The following PAICS variants were observed in gnomAD, a reference collection of about 807,000 sequenced individuals.
PAICS encodes bifunctional phosphoribosylaminoimidazole carboxylase/phosphoribosylaminoimidazole succinocarboxamide synthetase.
PAICS carries 33 observed loss-of-function variants against 53.7 expected under a neutral mutation model. The ratio of observed to expected loss-of-function variants is 0.61; its 90% CI spans 0.47 to 0.82. The LOEUF is 0.82. PAICS is among the 40% of genes least tolerant of loss of function. The pLI, the probability that PAICS is intolerant of heterozygous loss-of-function variation, is 0.00. For missense variants in PAICS, 394 were observed against 494.1 expected (o/e 0.80, Z 1.92); for synonymous variants, 141 against 167.2 (o/e 0.84, Z 1.21).
upstream of PAICS, chr4:56,431,457 A>C (rs537879443): frequency 1.2e-4 from 115 of 976,850 alleles, 1 homozygote; most frequent in Middle Eastern, 5.2e-4. Context: ...AGTGCTCCTG[A>C]GATCATTACA....
intron 6 of PAICS, chr4:56,451,333 G>A (rs1439411097): frequency 2.0e-5 from 3 of 152,714 alleles, no homozygotes; most frequent in Non-Finnish European, 2.9e-5. Flanking sequence ...AGCATGGGAT[G>A]GATGGAACTC....
chr4:56,452,270 C>T (rs1423379972), intron 7 of PAICS, among the ~76,000 whole-genome samples: 1 of 152,146 alleles, frequency 6.6e-6, no homozygotes, highest in Non-Finnish European at 1.5e-5. Flanking sequence ...GCTCCACCTC[C>T]CGGGTTCACA....
At chr4:56,450,831 T>G (rs1217269706) in intron 6 of PAICS, 129 bp downstream of exon 6, 1 of 617,742 alleles carries the variant, frequency 1.6e-6, no homozygotes, top group Non-Finnish European at 2.9e-6. Context: ...GTTGTTGTTT[T>G]TTTTGAGACG....
At chr4:56,424,795 C>T in the PAICS span, among the ~76,000 whole-genome samples, 2 of 152,208 alleles carry the variant, frequency 1.3e-5, no homozygotes, top group South Asian at 2.1e-4. Context: ...CTTAATTCCG[C>T]TCCAATATCA....
At position 56,464,432 on chromosome 4, in the gene PAICS, G is replaced by C. The variant is rs1223600518; in HGVS notation, c.*4894G>C. On this transcript the variant is annotated 3_prime_UTR_variant, in exon 9 of 9. Transcript: ENST00000512576. ...TCTCTAGAAAACAATTGTATACTGT[G>C]AATGAAAAAGACTAATTCTCCACAG... The C allele has an allele frequency of 6.6e-6, 1 of 152,150 alleles. No homozygotes were observed. The highest frequency in any genetic ancestry group is 1.5e-5 in the Non-Finnish European group (1 of 68,038). The allele number at this position is 152,150 out of a possible 1,614,324, so 9.4% of individuals were successfully genotyped here.
At chr4:56,434,269 A>T (rs1717771515), upstream of PAICS, among the ~76,000 whole-genome samples, 1 of 152,214 alleles carries the variant, frequency 6.6e-6, no homozygotes, top group South Asian at 2.1e-4. Flanking sequence ...ACAGCAAAAA[A>T]TACTTCTAAT....
rs1246845399 is a variant in PAICS at position 56,448,300 on chromosome 4, CG to C, written c.394-116del. 22 of 651,462 alleles carry C rather than the reference CG, an allele frequency of 3.4e-5. No homozygotes were observed. The East Asian group carries it at 6.0e-4, about 18-fold the overall frequency. 40.4% of individuals were successfully genotyped at this position (651,462 alleles called of 1,614,324 possible). A position where few individuals can be genotyped will look rare whatever the true frequency, so the allele number is the denominator to read the frequency against. ...GATTACAGGCATGAGCCACCATGCC[CG>C]GCTGTGGCTAAAAATTTCTAAGGAG... On this transcript the variant is annotated intron_variant, in intron 3 of 8. Coordinates refer to ENST00000512576, the MANE Select transcript of PAICS (RefSeq NM_001079524.2).
upstream of PAICS, among the ~76,000 whole-genome samples, chr4:56,433,581 C>T (rs1227457409): frequency 1.3e-5 from 2 of 151,172 alleles, no homozygotes; most frequent in African/African-American, 4.9e-5. Flanking sequence ...ATAACTTTGG[C>T]AAAAAAAGTA....
intron 8 of PAICS, among the ~76,000 whole-genome samples, chr4:56,456,962 T>C (rs922697997): frequency 5.9e-5 from 9 of 152,166 alleles, no homozygotes; most frequent in Admixed American, 1.3e-4. Flanking sequence ...CGTGTCAAAA[T>C]TGGGCTTCAC....
intron 8 of PAICS, among the ~76,000 whole-genome samples, chr4:56,457,338 G>A (rs905128386): frequency 8.5e-5 from 13 of 152,152 alleles, no homozygotes; most frequent in Non-Finnish European, 1.5e-4. Context: ...ACTGGAGCCT[G>A]GGAAGTTGAG....
intron 1 of PAICS, among the ~76,000 whole-genome samples, chr4:56,436,962 A>C (rs1439237411): frequency 6.6e-6 from 1 of 152,112 alleles, no homozygotes; most frequent in African/African-American, 2.4e-5. Flanking sequence ...GCGCCATTGC[A>C]CTCCAGCCTG....
intron 3 of PAICS, among the ~76,000 whole-genome samples, chr4:56,447,223 A>C (rs1209391182): frequency 2.6e-5 from 4 of 152,060 alleles, no homozygotes. Context: ...GTAAGTGAAA[A>C]TATATAAATA....
chr4:56,418,725 A>G, the PAICS span, among the ~76,000 whole-genome samples: 1 of 152,214 alleles, frequency 6.6e-6, no homozygotes, highest in African/African-American at 2.4e-5. Flanking sequence ...CAGAAAATGA[A>G]CCTACTTCTT....
rs529818910 is a variant in PAICS, at chr4:56,457,166, CCTAT to C, written c.1112-2205_1112-2202del. On this transcript the variant is annotated intron_variant, in intron 8 of 8. Coordinates refer to ENST00000512576, the MANE Select transcript of PAICS (RefSeq NM_001079524.2). ...TAAAGGCCTGGCTTGGTGGCTCATGCCTATAATCCCAACACTTTGGGAGGCAGAG... is the reference window on the plus strand; with the variant it reads ...TAAAGGCCTGGCTTGGTGGCTCATGCAATCCCAACACTTTGGGAGGCAGAG... 9.2e-5 allele frequency among the ~76,000 whole-genome samples: 14 copies of C among 152,270 alleles called. No individual in the cohort carries two copies. In the South Asian group the frequency reaches 2.9e-3, roughly 32 times the overall value.
chr4:56,448,891 G>A, intron 5 of PAICS, 68 bp downstream of exon 5: 1 of 855,906 alleles, frequency 1.2e-6, no homozygotes, highest in South Asian at 1.5e-5. Context: ...AAGGAGAGAT[G>A]AGGGGAAAAA....
upstream of PAICS, among the ~76,000 whole-genome samples, chr4:56,432,907 G>A (rs1009375134): frequency 2.6e-4 from 40 of 151,062 alleles, no homozygotes; most frequent in African/African-American, 9.5e-4. Context: ...AGTGAATGAG[G>A]GTGAGAAAGT....
rs892353964 is a variant in PAICS, at chr4:56,459,668, T to C, written c.*130T>C. 3.1e-6 allele frequency: 2 copies of C among 650,488 alleles called. No homozygotes were observed. Among genetic ancestry groups the C allele is most frequent in the Non-Finnish European group, 5.2e-6 (2 of 386,380 alleles). The allele number at this position is 650,488 out of a possible 1,614,324, so 40.3% of individuals were successfully genotyped here. A position where few individuals can be genotyped will look rare whatever the true frequency, so the allele number is the denominator to read the frequency against. On this transcript the variant is annotated 3_prime_UTR_variant, in exon 9 of 9. Coordinates refer to ENST00000512576, the MANE Select transcript of PAICS (RefSeq NM_001079524.2). ...ATAAAATGTATTAGTGAATAAATGC[T>C]TCTCTAGATCCATATTAATAAACAT...
intron 2 of PAICS, chr4:56,442,084 T>C: frequency 2.2e-6 from 1 of 451,958 alleles, no homozygotes; most frequent in Admixed American, 4.0e-5. Context: ...TTTGCTGTAA[T>C]CTTTATCTGG....
At chr4:56,428,498 T>C in the PAICS span, among the ~76,000 whole-genome samples, 1 of 152,114 alleles carries the variant, frequency 6.6e-6, no homozygotes, top group African/African-American at 2.4e-5. Flanking sequence ...AAAATATGAA[T>C]ATAGCATTTT....
Sources: allele counts gnomAD v4.1 joint callset (sites outside exome capture counted in the v4.1 genomes callset), GRCh38; gene constraint gnomAD v4.1.1; transcripts MANE v1.5; gene names NCBI Gene and HGNC (gene_info 2026-07-23, HGNC 2026-07-21).